Variants in LPCAT2 observed in about 807,000 individuals in gnomAD.
LPCAT2 encodes the protein 1-AGP acyltransferase 11.
LPCAT2 carries 58 observed loss-of-function variants against 64.7 expected under a neutral mutation model. That is an observed-to-expected ratio of 0.90 (90% CI 0.73 to 1.12). The LOEUF is 1.12. Ranked by LOEUF, LPCAT2 falls within the 50% of genes most tolerant of loss-of-function variation. The pLI is 0.00. For synonymous variants in LPCAT2, 252 were observed against 245.3 expected (o/e 1.03, Z -0.26); for missense variants, 579 against 669.8 (o/e 0.86, Z 1.50).
At chr16:55,561,175 C>A (rs1209208510) in intron 11 of LPCAT2, among the ~76,000 whole-genome samples, 3 of 151,816 alleles carry the variant, frequency 2.0e-5, no homozygotes, top group Non-Finnish European at 4.4e-5. Context: ...AAATTGTATT[C>A]TTTTATGTGG....
rs755120226 is a variant in LPCAT2 at position 55,550,964 on chromosome 16, T to G, written c.1077T>G (p.Gly359=). Residue 359 remains glycine, a synonymous_variant, in exon 11 of 14, where the codon GGT becomes GGG. Transcript: ENST00000262134. ...ISRKLKLDWD[G]VRKHLDEYAS... is the part of the protein sequence containing the mutation. ...GTTTGTTTAGATTAGATTGGGATGG[T>G]GTTCGTAAGCATTTGGATGAATATG... 9.4e-6 allele frequency: 15 copies of G among 1,601,550 alleles called. No homozygotes were observed. The highest frequency in any genetic ancestry group is 1.2e-5 in the Non-Finnish European group (14 of 1,171,628).
intron 11 of LPCAT2, among the ~76,000 whole-genome samples, chr16:55,573,153 GA>G (rs1160484609): frequency 2.6e-5 from 4 of 152,200 alleles, no homozygotes; most frequent in African/African-American, 9.6e-5. Context: ...GTAATATGGT[GA>G]AAATGATTCT....
At chr16:55,551,961 A>G (rs1412847443) in intron 11 of LPCAT2, among the ~76,000 whole-genome samples, 1 of 152,136 alleles carries the variant, frequency 6.6e-6, no homozygotes, top group Admixed American at 6.5e-5. Flanking sequence ...AAAAAAATTG[A>G]TAGTAAAATG....
intron 1 of LPCAT2, among the ~76,000 whole-genome samples, chr16:55,519,336 TAA>T (rs35728673): frequency 7.9e-5 from 11 of 138,740 alleles, no homozygotes; most frequent in Admixed American, 1.5e-4. Context: ...CCGTCTCTAC[TAA>T]AAAAAAAAAA....
chr16:55,512,257 G>C (rs1242708471), intron 1 of LPCAT2, among the ~76,000 whole-genome samples: 2 of 152,170 alleles, frequency 1.3e-5, no homozygotes, highest in Non-Finnish European at 2.9e-5. Context: ...AACAGGACTA[G>C]TTTTAGTCTC....
At chr16:55,534,421 TA>T in intron 6 of LPCAT2, 21 bp from the exon 7 acceptor site, 4 of 1,487,204 alleles carry the variant, frequency 2.7e-6, no homozygotes, top group African/African-American at 2.8e-5. Context: ...GACCAACAGC[TA>T]AAATAATTTT....
rs77746058 is a variant in LPCAT2 at position 55,512,252 on chromosome 16, G to A, written c.171+2900G>A. Among the ~76,000 whole-genome samples, 645 of 152,258 alleles carry A rather than the reference G, an allele frequency of 4.2e-3. 10 individuals carry two copies. The highest frequency in any genetic ancestry group is 0.015 in the African/African-American group (619 of 41,534). ...CAAGTGAATAATAATAATTTAACAG[G>A]ACTAGTTTTAGTCTCAGGAATGGTG... On this transcript the variant is annotated intron_variant, in intron 1 of 13. Coordinates refer to ENST00000262134, the MANE Select transcript of LPCAT2 (RefSeq NM_017839.5).
At chr16:55,544,077 CT>C (rs1335340025) in intron 8 of LPCAT2, among the ~76,000 whole-genome samples, 2 of 152,162 alleles carry the variant, frequency 1.3e-5, no homozygotes, top group Non-Finnish European at 2.9e-5. Flanking sequence ...TCTCCCTGCT[CT>C]TAGTCTCTTC....
At chr16:55,579,352 CAT>C in intron 13 of LPCAT2, 108 bp downstream of exon 13, 1 of 1,039,034 alleles carries the variant, frequency 9.6e-7, no homozygotes. Context: ...TAATAATAGA[CAT>C]AATAGTAATA....
chr16:55,560,047 T>C (rs1465500468), intron 11 of LPCAT2, among the ~76,000 whole-genome samples: 1 of 152,142 alleles, frequency 6.6e-6, no homozygotes. Context: ...GAAAGGAGAC[T>C]GTAAAATTAA....
At chr16:55,526,655 A>G (rs1260583085) in intron 2 of LPCAT2, among the ~76,000 whole-genome samples, 1 of 152,306 alleles carries the variant, frequency 6.6e-6, no homozygotes, top group East Asian at 1.9e-4. Flanking sequence ...TTTAAACTCA[A>G]GGTTGTGTAG....
intron 2 of LPCAT2, among the ~76,000 whole-genome samples, chr16:55,526,688 C>T (rs1596854446): frequency 6.6e-6 from 1 of 151,980 alleles, no homozygotes; most frequent in East Asian, 1.9e-4. Flanking sequence ...CTTCAAGGAA[C>T]GTTTTTATGA....
chr16:55,532,951 T>G, intron 6 of LPCAT2, 69 bp downstream of exon 6: 1 of 1,268,786 alleles, frequency 7.9e-7, no homozygotes, highest in South Asian at 1.2e-5. Context: ...TGGGACCCCT[T>G]TTAATATATA....
At chr16:55,518,453 A>G (rs1385351408) in intron 1 of LPCAT2, among the ~76,000 whole-genome samples, 3 of 152,218 alleles carry the variant, frequency 2.0e-5, no homozygotes, top group African/African-American at 7.2e-5. Context: ...CAGAAATGCA[A>G]GGGACTACAA....
At chr16:55,541,628 G>C (rs1192500511) in intron 8 of LPCAT2, 1 of 218,502 alleles carries the variant, frequency 4.6e-6, no homozygotes, top group Non-Finnish European at 9.3e-6. Flanking sequence ...AAATAAAAAG[G>C]GTATTAACTA....
At chr16:55,531,890 T>C (rs1351469251) in intron 4 of LPCAT2, 24 bp from the exon 5 acceptor site, 4 of 1,433,444 alleles carry the variant, frequency 2.8e-6, no homozygotes, top group African/African-American at 2.8e-5. Flanking sequence ...ATTGAAATAT[T>C]AAATCTATTC....
At chr16:55,532,132 T>G in intron 5 of LPCAT2, 158 bp downstream of exon 5, 1 of 583,724 alleles carries the variant, frequency 1.7e-6, no homozygotes, top group Non-Finnish European at 3.1e-6. Flanking sequence ...AACTTACTGC[T>G]TTGCTTTCTC....
chr16:55,517,556 C>A (rs1161932851), intron 1 of LPCAT2, among the ~76,000 whole-genome samples: 3 of 152,062 alleles, frequency 2.0e-5, no homozygotes. Context: ...AAACTACAGA[C>A]CAATATCCAT....
At chr16:55,520,846 A>G (rs1341328386) in intron 1 of LPCAT2, among the ~76,000 whole-genome samples, 1 of 151,920 alleles carries the variant, frequency 6.6e-6, no homozygotes, top group Non-Finnish European at 1.5e-5. Flanking sequence ...TGTAGGATGC[A>G]GTTAAAGCAG....
Sources: allele counts gnomAD v4.1 joint callset (sites outside exome capture counted in the v4.1 genomes callset), GRCh38; gene constraint gnomAD v4.1.1; transcripts MANE v1.5; gene names NCBI Gene and HGNC (gene_info 2026-07-23, HGNC 2026-07-21).